The following ABCC11 variants were observed in gnomAD, a reference collection of about 807,000 sequenced individuals.
The protein encoded by ABCC11 is ATP-binding cassette sub-family C member 11.
A neutral mutation model predicts 149.3 loss-of-function variants in ABCC11; 135 were observed. That is an observed-to-expected ratio of 0.90 (90% confidence interval 0.79 to 1.04). The LOEUF (loss-of-function observed/expected upper bound fraction) is 1.04. ABCC11 is among the 50% of genes least tolerant of loss of function. ABCC11 has a pLI of 0.00. For missense variants in ABCC11, 1,680 were observed against 1,722.1 expected, an observed-to-expected ratio of 0.98 and a Z score of 0.43; for synonymous variants, 665 against 671.4, an observed-to-expected ratio of 0.99 and a Z score of 0.15.
intron 26 of ABCC11, among the ~76,000 whole-genome samples, chr16:48,171,789 C>G (rs1345226114): frequency 6.6e-6 from 1 of 152,070 alleles, no homozygotes; most frequent in Non-Finnish European, 1.5e-5. Context: ...CATGGTAAAA[C>G]CCCACTCCAC....
At chr16:48,216,558 AG>A (rs1596801939) in intron 6 of ABCC11, among the ~76,000 whole-genome samples, 1 of 152,246 alleles carries the variant, frequency 6.6e-6, no homozygotes, top group East Asian at 1.9e-4. Context: ...TCAATAACAT[AG>A]AAAGTGTCTG....
chr16:48,241,924 C>T (rs1176859416), intron 1 of ABCC11, among the ~76,000 whole-genome samples: 1 of 152,158 alleles, frequency 6.6e-6, no homozygotes, highest in Non-Finnish European at 1.5e-5. Context: ...AAATGTTAGA[C>T]CTAAAACCAT....
In ABCC11 at chr16:48,243,234, T is replaced by C. The variant is rs1971090346; in HGVS notation, c.-19+4080A>G. Among the ~76,000 whole-genome samples, 3 of 151,606 alleles carry C rather than the reference T, an allele frequency of 2.0e-5. No homozygotes were observed. In the South Asian group the frequency reaches 6.3e-4, roughly 32 times the overall value. ...GGCTAACATGGCGAAACCCCGTCTC[T>C]ACTAAAAATACAAAAAATTAGCCGG... On this transcript the variant is annotated intron_variant, in intron 1 of 29. Transcript: ENST00000356608.
intron 10 of ABCC11, among the ~76,000 whole-genome samples, chr16:48,213,014 G>A (rs972707815): frequency 2.0e-5 from 3 of 152,178 alleles, no homozygotes; most frequent in East Asian, 3.9e-4. Flanking sequence ...CAACTCCAGC[G>A]GCTTGTGGCC....
chr16:48,210,829 A>C (rs1041971757), intron 11 of ABCC11, 119 bp downstream of exon 11: 9 of 1,340,772 alleles, frequency 6.7e-6, no homozygotes, highest in Non-Finnish European at 8.1e-6. Flanking sequence ...TTTTAAGGGG[A>C]GAGATCTTGG....
At chr16:48,187,685 C>T (rs939662290) in intron 20 of ABCC11, among the ~76,000 whole-genome samples, 3 of 152,088 alleles carry the variant, frequency 2.0e-5, no homozygotes, top group Non-Finnish European at 2.9e-5. Context: ...GGAATGAAAA[C>T]GATGCTTCAC....
intron 28 of ABCC11, among the ~76,000 whole-genome samples, 189 bp from the exon 29 acceptor site, chr16:48,167,849 G>A (rs1016364784): frequency 1.3e-5 from 2 of 152,178 alleles, no homozygotes; most frequent in Admixed American, 1.3e-4. Flanking sequence ...CTTATGAAGA[G>A]AACGTTAGGT....
intron 5 of ABCC11, 121 bp downstream of exon 5, chr16:48,224,161 G>A (rs1969923229): frequency 7.6e-7 from 1 of 1,321,462 alleles, no homozygotes; most frequent in Non-Finnish European, 1.0e-6. Flanking sequence ...TCATTTTCTA[G>A]ACAGCAACTG....
intron 3 of ABCC11, among the ~76,000 whole-genome samples, chr16:48,228,585 C>T (rs1175546537): frequency 1.3e-5 from 2 of 150,342 alleles, no homozygotes; most frequent in African/African-American, 2.5e-5. Context: ...AGACAGCGCA[C>T]GACTCCGTCT....
chr16:48,230,594 G>A (rs1399986458), intron 2 of ABCC11, 21 bp from the exon 3 acceptor site: 2 of 1,542,456 alleles, frequency 1.3e-6, no homozygotes, highest in Non-Finnish European at 1.8e-6. Context: ...AAAAACAAAA[G>A]AGCATCAGTT....
chr16:48,198,318 A>C, intron 15 of ABCC11, 43 bp from the exon 16 acceptor site: 1 of 1,581,498 alleles, frequency 6.3e-7, no homozygotes, highest in Non-Finnish European at 8.7e-7. Flanking sequence ...AGCACATGGA[A>C]AGATGTTTGA....
At chr16:48,167,450 A>G (rs559467981) in intron 29 of ABCC11, 46 bp downstream of exon 29, 6 of 1,612,316 alleles carry the variant, frequency 3.7e-6, no homozygotes, top group Non-Finnish European at 5.1e-6. Flanking sequence ...CTGGGGTAGC[A>G]GCCTGAGCCC....
chr16:48,187,696 A>C (rs898131485), intron 20 of ABCC11, among the ~76,000 whole-genome samples: 6 of 152,206 alleles, frequency 3.9e-5, no homozygotes, highest in Non-Finnish European at 8.8e-5. Context: ...GATGCTTCAC[A>C]GAGTTGTAGT....
At chr16:48,185,300 T>C (rs190875461) in intron 22 of ABCC11, among the ~76,000 whole-genome samples, 1 of 152,232 alleles carries the variant, frequency 6.6e-6, no homozygotes, top group Non-Finnish European at 1.5e-5. Context: ...AACATCTGTA[T>C]ACCCTCTACC....
At chr16:48,200,530 G>C in intron 14 of ABCC11, 51 bp from the exon 15 acceptor site, 1 of 1,576,306 alleles carries the variant, frequency 6.3e-7, no homozygotes, top group Non-Finnish European at 8.7e-7. Context: ...GCACAGCCAG[G>C]TGTGCTCAAA....
intron 1 of ABCC11, chr16:48,244,467 TC>T: frequency 1.3e-6 from 2 of 1,597,204 alleles, no homozygotes. Flanking sequence ...GCTGCCCGGC[TC>T]CACCATGCGC....
rs780946898 is a variant in ABCC11 at position 48,177,060 on chromosome 16, C to A, written c.3402G>T (p.Gly1134=). 2.5e-5 allele frequency: 41 copies of A among 1,614,024 alleles called. No individual in the cohort carries two copies. The highest frequency in any genetic ancestry group is 3.1e-5 in the Non-Finnish European group (36 of 1,180,014). ...LHMEGTSCPQ[G]WPQHGEIIFQ... ...ATATGATTTCCCCATGCTGTGGCCA[C>A]CCCTGGGGACAACTTGTGCCTTCCA... Residue 1134 remains glycine (G), a synonymous_variant, in exon 25 of 30, where the codon GGG becomes GGT. Transcript: ENST00000356608.
At chr16:48,242,727 T>A (rs1434576270) in intron 1 of ABCC11, among the ~76,000 whole-genome samples, 1 of 152,092 alleles carries the variant, frequency 6.6e-6, no homozygotes, top group Non-Finnish European at 1.5e-5. Flanking sequence ...TAAAAAAGGA[T>A]GAGTTCATGT....
intron 4 of ABCC11, 65 bp from the exon 5 acceptor site, chr16:48,224,494 T>C: frequency 6.4e-7 from 1 of 1,564,294 alleles, no homozygotes; most frequent in Non-Finnish European, 8.7e-7. Context: ...ATCCTAGTTC[T>C]TGCTAGCCAG....
Sources: gnomAD v4.1 joint callset for allele counts (sites outside exome capture counted in the v4.1 genomes callset) on GRCh38, gnomAD v4.1.1 for gene constraint, MANE v1.5 for transcripts, NCBI Gene and HGNC (gene_info 2026-07-23, HGNC 2026-07-21) for gene names.